TULP4: variants seen among roughly 807,000 people sequenced by gnomAD.
The protein encoded by TULP4 is TUB like protein 4, also known as tubby-related protein 4.
In TULP4, 16 loss-of-function variants were observed where a neutral mutation model predicts 129.0. That is an observed-to-expected ratio of 0.12 (90% CI 0.08 to 0.19). TULP4 has a LOEUF of 0.19. Ranked by LOEUF, TULP4 falls within the 10% of genes least tolerant of loss-of-function variation. The probability of loss-of-function intolerance (pLI) is 1.00; values close to 1 mark genes in which losing one functional copy is unlikely to be tolerated. For synonymous variants in TULP4, 998 were observed against 854.0 expected (o/e 1.17, Z -2.94); for missense variants, 1,842 against 2,059.1 (o/e 0.89, Z 2.04).
At chr6:158,412,284 G>A (rs909734877) in intron 1 of TULP4, among the ~76,000 whole-genome samples, 5 of 152,202 alleles carry the variant, frequency 3.3e-5, no homozygotes, top group African/African-American at 9.6e-5. Flanking sequence ...GAGCCCTGCC[G>A]TGTTGGTTTG....
chr6:158,317,171 A>G (rs922654792), intron 1 of TULP4, among the ~76,000 whole-genome samples: 1 of 90,656 alleles, frequency 1.1e-5, no homozygotes, highest in Non-Finnish European at 2.3e-5. Flanking sequence ...TCCACATTGC[A>G]TTTTTACTTT....
chr6:158,506,610 G>A lies in TULP4; in HGVS notation c.4548G>A (p.Ala1516=), dbSNP rs554131023. ...AGTTTGGACGGATTGATGGCAGTGC[G>A]TACATTCTAGACTTCCAGTATCCGT... ...VMQFGRIDGS[A]YILDFQYPFS... The change falls in exon 14 of 14, where the codon GCG becomes GCA. Residue 1516 remains alanine, a synonymous_variant. Coordinates refer to ENST00000367097, the MANE Select transcript of TULP4 (RefSeq NM_020245.5). The A allele has an allele frequency of 4.4e-5, 71 of 1,613,554 alleles. No homozygotes were observed. The highest frequency in any genetic ancestry group is 5.4e-5 in the Non-Finnish European group (64 of 1,179,596).
chr6:158,503,103 C>G lies in TULP4; in HGVS notation c.3440C>G (p.Pro1147Arg), dbSNP rs767432516. Residue 1147 changes from proline to arginine, a missense_variant, in exon 13 of 14, where the codon CCC becomes CGC. This residue lies in a region of TULP4 where 1,089 missense variants were observed against 987.1 expected (regional missense o/e 1.10). Transcript: ENST00000367097. The surrounding 1 kb of genome is among the most constrained non-coding windows in gnomAD (Gnocchi z 4.3). The stretch of plus-strand genomic sequence containing the variant: ...ACAGCACAGACTTCAGGGCCCAACC[C>G]CTTAAAACTGTCCTCTCTGATGCTG... ...ERTAQTSGPN[P>R]LKLSSLMLSQ... is the part of the protein sequence containing the mutation. 89 of 1,614,028 alleles carry G rather than the reference C, an allele frequency of 5.5e-5. No homozygotes were observed. Among genetic ancestry groups the G allele is most frequent in the South Asian group, 3.3e-4 (30 of 91,086 alleles).
At position 158,507,774 on chromosome 6, in the gene TULP4, C is replaced by G. The variant is rs9346755; in HGVS notation, c.*1080C>G. The G allele has an allele frequency of 3.3e-5, 5 of 152,188 alleles. No individual in the cohort carries two copies. In the East Asian group the frequency reaches 9.6e-4, roughly 29 times the overall value. The allele number at this position is 152,188 out of a possible 1,614,324, so 9.4% of individuals were successfully genotyped here. Reference sequence around the variant, plus strand: ...GGACAACGCTTGATTTGAAACCACTCCTTTTCTCCTCTTGGCTACATTAAA... The same window carrying G: ...GGACAACGCTTGATTTGAAACCACTGCTTTTCTCCTCTTGGCTACATTAAA... On this transcript the variant is annotated 3_prime_UTR_variant, in exon 14 of 14. Transcript: ENST00000367097.
At chr6:158,274,354 A>G (rs1349890554) in intron 1 of TULP4, among the ~76,000 whole-genome samples, 2 of 152,340 alleles carry the variant, frequency 1.3e-5, no homozygotes, top group South Asian at 4.1e-4. Flanking sequence ...TGAGCATCTT[A>G]GTGCTGGCCA....
At chr6:158,463,055 A>C (rs922194098) in intron 6 of TULP4, among the ~76,000 whole-genome samples, 36 of 152,196 alleles carry the variant, frequency 2.4e-4, no homozygotes, top group African/African-American at 8.7e-4. Flanking sequence ...CTCCTGGCCT[A>C]CCTACCCTGT....
intron 1 of TULP4, among the ~76,000 whole-genome samples, chr6:158,339,689 G>A (rs1411143897): frequency 6.6e-6 from 1 of 152,148 alleles, no homozygotes; most frequent in Non-Finnish European, 1.5e-5. Context: ...GCTCTGTCCT[G>A]TGCGGCCCAC....
chr6:158,494,191 C>T (rs1431686682), intron 10 of TULP4, among the ~76,000 whole-genome samples: 1 of 152,212 alleles, frequency 6.6e-6, no homozygotes, highest in Admixed American at 6.5e-5. Context: ...GAGGCTGACA[C>T]ACCTGGTGTA....
At chr6:158,480,112 G>C (rs1779906292) in intron 7 of TULP4, 137 bp downstream of exon 7, 1 of 664,772 alleles carries the variant, frequency 1.5e-6, no homozygotes, top group South Asian at 2.0e-5. Flanking sequence ...GTCATGTGCT[G>C]CCAGGTCTGC....
At position 158,316,881 on chromosome 6, in the gene TULP4, A is replaced by T. The variant is rs141375510; in HGVS notation, c.252+2613A>T. ...AGGACCTCCGGTCTTAGAGGCCCTCACTAGTCCCAGCCATGTGGCCCTCTC... is the reference window on the plus strand; with the variant it reads ...AGGACCTCCGGTCTTAGAGGCCCTCTCTAGTCCCAGCCATGTGGCCCTCTC... On this transcript the variant is annotated intron_variant, in intron 1 of 13. Coordinates refer to ENST00000367097, the MANE Select transcript of TULP4 (RefSeq NM_020245.5). 1.7e-3 allele frequency among the ~76,000 whole-genome samples: 258 copies of T among 152,340 alleles called. 1 individual carries two copies. The highest frequency in any genetic ancestry group is 2.5e-3 in the Non-Finnish European group (168 of 68,032).
intron 1 of TULP4, among the ~76,000 whole-genome samples, chr6:158,276,491 G>GTTTTTT: frequency 6.7e-6 from 1 of 149,928 alleles, no homozygotes. Flanking sequence ...TTTTATAGTA[G>GTTTTTT]ACATGGAGTC....
At position 158,246,026 on chromosome 6, in the gene TULP4, GTGT is replaced by G. The variant is rs1562493300; in HGVS notation, n.68+13724_68+13726del. Among the ~76,000 whole-genome samples, 30 of 74,236 alleles carry G rather than the reference GTGT, an allele frequency of 4.0e-4. No individual in the cohort carries two copies. The East Asian group carries it at 4.7e-3, about 12-fold the overall frequency. 48.7% of individuals were successfully genotyped at this position (74,236 alleles called of 152,430 possible). On this transcript the variant is annotated intron_variant and non_coding_transcript_variant, in intron 1 of 1. Transcript: ENST00000620026. ...AGTAATTTGCCTACCCCTTAGGGGT[GTGT>G]GTGTGTGTGTGTGTGTGTGTGTGTG...
intron 1 of TULP4, among the ~76,000 whole-genome samples, chr6:158,332,504 A>T (rs893586142): frequency 6.6e-6 from 1 of 152,078 alleles, no homozygotes; most frequent in South Asian, 2.1e-4. Context: ...GAGGGCCTTC[A>T]AAGTGAATGG....
intron 1 of TULP4, among the ~76,000 whole-genome samples, chr6:158,349,069 G>A (rs1375815695): frequency 8.4e-6 from 1 of 118,530 alleles, no homozygotes; most frequent in African/African-American, 2.9e-5. Context: ...GGGGCGGCCA[G>A]GCAGAGGCGC....
chr6:158,364,199 G>A (rs1043379498), intron 1 of TULP4, among the ~76,000 whole-genome samples: 8 of 152,206 alleles, frequency 5.3e-5, no homozygotes, highest in African/African-American at 1.9e-4. Context: ...TTTAGGAACT[G>A]TCAAGTGTAG....
chr6:158,238,003 G>T (rs897958525), intron 1 of TULP4: 5 of 719,680 alleles, frequency 6.9e-6, no homozygotes, highest in Non-Finnish European at 1.0e-5. Flanking sequence ...GGACAAATGA[G>T]CAGGAGATTT....
At chr6:158,263,754 TCAACAA>T (rs78578851) in intron 1 of TULP4, among the ~76,000 whole-genome samples, 4 of 151,598 alleles carry the variant, frequency 2.6e-5, no homozygotes, top group African/African-American at 9.7e-5. Flanking sequence ...AGACCCTGTC[TCAACAA>T]CAACAACAAC....
chr6:158,298,832 G>A (rs1010008022), intron 1 of TULP4, among the ~76,000 whole-genome samples: 3 of 152,142 alleles, frequency 2.0e-5, no homozygotes, highest in African/African-American at 2.4e-5. Flanking sequence ...AATGTTCTGC[G>A]CCACAAAGAA....
intron 2 of TULP4, among the ~76,000 whole-genome samples, chr6:158,421,898 C>T (rs1168828398): frequency 2.0e-5 from 3 of 152,124 alleles, no homozygotes; most frequent in Admixed American, 6.5e-5. Flanking sequence ...CCCCAGACCC[C>T]TTAGATAGGA....
Sources: allele counts gnomAD v4.1 joint callset (sites outside exome capture counted in the v4.1 genomes callset), GRCh38; gene constraint gnomAD v4.1.1; regional missense constraint gnomAD v4.1.1; non-coding constraint Gnocchi (gnomAD v3.1); transcripts MANE v1.5; gene names NCBI Gene and HGNC (gene_info 2026-07-23, HGNC 2026-07-21).